RGS8: variants seen among roughly 807,000 people sequenced by gnomAD.
RGS8 encodes regulator of G-protein signaling 8.
A neutral mutation model predicts 21.7 loss-of-function variants in RGS8; 8 were observed. The ratio of observed to expected loss-of-function variants is 0.37; its 90% confidence interval spans 0.22 to 0.66. The LOEUF (loss-of-function observed/expected upper bound fraction) is 0.66, where lower values mean the gene tolerates loss of function less well. RGS8 is among the 30% of genes least tolerant of loss of function. The pLI is 0.59. For missense variants in RGS8, 157 were observed against 217.9 expected (o/e 0.72, Z 1.76); for synonymous variants, 80 against 83.6 (o/e 0.96, Z 0.24).
chr1:182,659,553 G>C (rs1273302779), intron 5 of RGS8, among the ~76,000 whole-genome samples: 1 of 152,146 alleles, frequency 6.6e-6, no homozygotes, highest in African/African-American at 2.4e-5. Context: ...GCAAAAATTA[G>C]CTGGGCATGG....
chr1:182,722,766 G>T, the RGS8 span, among the ~76,000 whole-genome samples: 1 of 152,066 alleles, frequency 6.6e-6, no homozygotes, highest in Non-Finnish European at 1.5e-5. Context: ...CACGAGGTCA[G>T]GAGATTGAGA....
At chr1:182,695,857 G>C in the RGS8 span, among the ~76,000 whole-genome samples, 1 of 152,022 alleles carries the variant, frequency 6.6e-6, no homozygotes, top group Non-Finnish European at 1.5e-5. Flanking sequence ...ATAAATATTG[G>C]GTTATATACA....
chr1:182,710,865 T>C, the RGS8 span, among the ~76,000 whole-genome samples: 5 of 152,342 alleles, frequency 3.3e-5, no homozygotes, highest in South Asian at 1.0e-3. Context: ...AAACCTCTCA[T>C]TGCAGCATTT....
intron 2 of RGS8, among the ~76,000 whole-genome samples, chr1:182,671,003 A>C (rs929502730): frequency 5.3e-5 from 8 of 152,124 alleles, no homozygotes; most frequent in African/African-American, 1.9e-4. Context: ...AGGGACCTTT[A>C]TTATCCTAGA....
the RGS8 span, among the ~76,000 whole-genome samples, chr1:182,707,115 A>T: frequency 6.6e-6 from 1 of 152,052 alleles, no homozygotes; most frequent in Non-Finnish European, 1.5e-5. Context: ...CCGAGATCGC[A>T]CCACTGCACT....
chr1:182,708,175 T>C, the RGS8 span, among the ~76,000 whole-genome samples: 1 of 152,132 alleles, frequency 6.6e-6, no homozygotes, highest in Non-Finnish European at 1.5e-5. Flanking sequence ...TCCTAATCAA[T>C]AGGCTAAGCA....
chr1:182,740,906 G>T, the RGS8 span, among the ~76,000 whole-genome samples: 101 of 152,296 alleles, frequency 6.6e-4, no homozygotes, highest in African/African-American at 2.2e-3. Flanking sequence ...CAAGGCAGAA[G>T]AATTCTTCTT....
At chr1:182,687,559 C>A (rs1367127731), upstream of RGS8, among the ~76,000 whole-genome samples, 1 of 152,170 alleles carries the variant, frequency 6.6e-6, no homozygotes, top group Non-Finnish European at 1.5e-5. Flanking sequence ...TGTACACTAG[C>A]CAAACAGGTT....
chr1:182,649,106 A>C (rs1376363276), intron 5 of RGS8, among the ~76,000 whole-genome samples: 1 of 152,222 alleles, frequency 6.6e-6, no homozygotes, highest in East Asian at 1.9e-4. Context: ...GTCTCATAAA[A>C]AAAAAATAGA....
chr1:182,695,649 A>G, the RGS8 span, among the ~76,000 whole-genome samples: 1 of 152,228 alleles, frequency 6.6e-6, no homozygotes, highest in Admixed American at 6.5e-5. Context: ...CATTTAAGAA[A>G]GTATTTCCTC....
At chr1:182,646,907 T>C (rs750591675) in exon 7 of RGS8, 1 of 1,613,176 alleles carries the variant, frequency 6.2e-7, no homozygotes, top group Non-Finnish European at 8.5e-7. Context: ...GGTCTGGAAG[T>C]CAATGTTTAC....
At chr1:182,741,892 C>A in the RGS8 span, among the ~76,000 whole-genome samples, 1 of 144,048 alleles carries the variant, frequency 6.9e-6, no homozygotes, top group African/African-American at 2.5e-5. Context: ...GACCCCCCCA[C>A]CTCCCTCCCG....
the RGS8 span, among the ~76,000 whole-genome samples, chr1:182,702,649 T>C: frequency 6.6e-6 from 1 of 152,224 alleles, no homozygotes; most frequent in East Asian, 1.9e-4. Context: ...AAGTAAAATA[T>C]TTATATCATC....
At chr1:182,719,228 G>T in the RGS8 span, among the ~76,000 whole-genome samples, 1 of 152,172 alleles carries the variant, frequency 6.6e-6, no homozygotes, top group African/African-American at 2.4e-5. Flanking sequence ...TAACGCTCAC[G>T]CTCATTCTTC....
chr1:182,703,439 G>A, the RGS8 span, among the ~76,000 whole-genome samples: 19 of 152,256 alleles, frequency 1.2e-4, no homozygotes, highest in African/African-American at 4.6e-4. Flanking sequence ...GTGGAGGGGT[G>A]GCCAAAAGGT....
At chr1:182,686,947 G>T (rs576569350), upstream of RGS8, among the ~76,000 whole-genome samples, 1 of 152,262 alleles carries the variant, frequency 6.6e-6, no homozygotes, top group Admixed American at 6.5e-5. Context: ...AGTGTCACAG[G>T]AGCCAGGAAA....
At chr1:182,738,279 T>C in the RGS8 span, among the ~76,000 whole-genome samples, 1 of 152,250 alleles carries the variant, frequency 6.6e-6, no homozygotes, top group African/African-American at 2.4e-5. Context: ...GTTTAACTTC[T>C]CTGAGCCTTT....
At chr1:182,725,832 C>G in the RGS8 span, among the ~76,000 whole-genome samples, 2 of 152,102 alleles carry the variant, frequency 1.3e-5, no homozygotes, top group East Asian at 3.9e-4. Flanking sequence ...TACAGGCAAA[C>G]GAAAGATATA....
the RGS8 span, among the ~76,000 whole-genome samples, chr1:182,710,158 C>G: frequency 6.6e-6 from 1 of 152,268 alleles, no homozygotes; most frequent in Non-Finnish European, 1.5e-5. Context: ...TGAGGAAGGC[C>G]TCAAATGACC....
Sources: gnomAD v4.1 joint callset for allele counts (sites outside exome capture counted in the v4.1 genomes callset) on GRCh38, gnomAD v4.1.1 for gene constraint, MANE v1.5 for transcripts, NCBI Gene and HGNC (gene_info 2026-07-23, HGNC 2026-07-21) for gene names.